Variants in AGL observed in about 807,000 individuals in gnomAD.
The protein encoded by AGL is amylo-alpha-1,6-glucosidase and 4-alpha-glucanotransferase.
AGL carries 128 observed loss-of-function variants against 199.3 expected under a neutral mutation model. That is an observed-to-expected ratio of 0.64 (90% CI 0.56 to 0.74). The LOEUF (loss-of-function observed/expected upper bound fraction) is 0.74. Ranked by LOEUF, AGL falls within the 30% of genes least tolerant of loss-of-function variation. The pLI is 0.00. For missense variants in AGL, 1,809 were observed against 1,820.8 expected (o/e 0.99, Z 0.12); for synonymous variants, 584 against 594.7 (o/e 0.98, Z 0.26).
intron 8 of AGL, among the ~76,000 whole-genome samples, 171 bp from the exon 9 acceptor site, chr1:99,874,983 C>T (rs997907440): frequency 2.0e-5 from 3 of 152,086 alleles, no homozygotes; most frequent in Admixed American, 1.3e-4. Context: ...GTGTGTGGGC[C>T]ATGTTTCTAT....
At position 99,891,152 on chromosome 1, in the gene AGL, G is replaced by A. The variant is rs781495862; in HGVS notation, c.2813-68G>A. On this transcript the variant is annotated intron_variant, in intron 21 of 33. Coordinates refer to ENST00000361915, the MANE Select transcript of AGL (RefSeq NM_000642.3). ...ACTAGAATAGAGACTAGCAGAATAGGGACTAGAGGATATAGGAACAAATTG... is the reference window on the plus strand; with the variant it reads ...ACTAGAATAGAGACTAGCAGAATAGAGACTAGAGGATATAGGAACAAATTG... 3 of 1,593,544 alleles carry A rather than the reference G, an allele frequency of 1.9e-6. No homozygotes were observed. In the East Asian group the frequency reaches 6.7e-5, roughly 36 times the overall value.
intron 5 of AGL, among the ~76,000 whole-genome samples, chr1:99,866,180 A>C (rs1650494039): frequency 6.6e-6 from 1 of 152,210 alleles, no homozygotes; most frequent in Non-Finnish European, 1.5e-5. Context: ...AATATTATTG[A>C]AATCAGATTT....
rs182074502 is a variant in AGL, at chr1:99,900,559, C to T, written c.3363-77C>T. 1.7e-4 allele frequency: 234 copies of T among 1,359,922 alleles called. 1 individual carries two copies. The East Asian group carries it at 4.3e-3, about 25-fold the overall frequency. 84.2% of individuals were successfully genotyped at this position (1,359,922 alleles called of 1,614,324 possible). On this transcript the variant is annotated intron_variant, in intron 25 of 33. Coordinates refer to ENST00000361915, the MANE Select transcript of AGL (RefSeq NM_000642.3). ...AGAAAACGCATTCAAAATATAGTCA[C>T]CAAAAGTGACTGGTTTTTGTCTTCA... is the stretch of plus-strand genomic sequence containing the variant.
intron 24 of AGL, 129 bp downstream of exon 24, chr1:99,892,736 T>C (rs931610893): frequency 2.3e-6 from 2 of 854,600 alleles, no homozygotes; most frequent in African/African-American, 3.4e-5. Context: ...CTTAGTACAT[T>C]TCATAGATAT....
At chr1:99,862,461 A>G (rs779986078) in intron 4 of AGL, 38 bp downstream of exon 4, 8 of 1,601,746 alleles carry the variant, frequency 5.0e-6, no homozygotes, top group African/African-American at 2.7e-5. Context: ...ATTTAAAAAA[A>G]TAAATGTAAT....
Position 99,877,815 on chromosome 1 carries a change from T to C in AGL, c.1598T>C (p.Leu533Pro), listed in dbSNP as rs780321523. The C allele has an allele frequency of 1.2e-6, 2 of 1,613,986 alleles. No individual in the cohort carries two copies. Among genetic ancestry groups the C allele is most frequent in the South Asian group, 2.2e-5 (2 of 91,084 alleles). ...CTTGATAACTGCCACTCAACACCTC[T>C]TCACGTAGCTGAGGTACAGAAAAAC... ...VRLDNCHSTPLHVAEYMLDAA... is the reference protein window; with the variant it reads ...VRLDNCHSTPPHVAEYMLDAA... The change falls in exon 12 of 34, where the codon CTT becomes CCT. Residue 533 changes from leucine to proline, a missense_variant. Leu to Pro is a moderately conservative substitution (Grantham distance 98). Coordinates refer to ENST00000361915, the MANE Select transcript of AGL (RefSeq NM_000642.3).
rs1428796704 is a variant in AGL at position 99,881,166 on chromosome 1, G to A, written c.1990G>A (p.Val664Met). 1 of 1,613,400 alleles carries A rather than the reference G, an allele frequency of 6.2e-7. No homozygotes were observed. The highest frequency in any genetic ancestry group is 2.2e-5 in the East Asian group (1 of 44,860). Residue 664 changes from valine (V) to methionine (M), a missense_variant, in exon 15 of 34, where the codon GTG (valine) becomes ATG (methionine). Transcript: ENST00000361915. ...SGSTRGYDEL[V>M]PHQISVVSEE... ...AAGTACAAGAGGCTATGATGAATTA[G>A]TGCCTCATCAGGTTTGTTTATATGT...
At chr1:99,908,237 A>C (rs1388194614) in intron 27 of AGL, among the ~76,000 whole-genome samples, 2 of 151,108 alleles carry the variant, frequency 1.3e-5, no homozygotes, top group Admixed American at 6.6e-5. Context: ...GTGAATATCC[A>C]GTTTACTCAG....
chr1:99,857,730 C>T (rs1193821371), intron 2 of AGL, among the ~76,000 whole-genome samples: 1 of 149,530 alleles, frequency 6.7e-6, no homozygotes, highest in East Asian at 2.0e-4. Flanking sequence ...GAGAATCAGG[C>T]AGGGAGGTTG....
chr1:99,922,400 C>A lies in AGL; in HGVS notation c.*749C>A, dbSNP rs1293532504. 2 of 151,628 alleles carry A rather than the reference C, an allele frequency of 1.3e-5. No homozygotes were observed. Among genetic ancestry groups the A allele is most frequent in the East Asian group, 1.9e-4 (1 of 5,186 alleles). The allele number at this position is 151,628 out of a possible 1,614,324, so 9.4% of individuals were successfully genotyped here. A position where few individuals can be genotyped will look rare whatever the true frequency, so the allele number is the denominator to read the frequency against. The stretch of plus-strand genomic sequence containing the variant: ...GAAATTGTCGGTCATATTTCTAGAA[C>A]TTTAAAGAAAAAAGAATGTTATATT... On this transcript the variant is annotated 3_prime_UTR_variant, in exon 34 of 34. Transcript: ENST00000361915.
At chr1:99,849,692 C>A (rs976068759), upstream of AGL, among the ~76,000 whole-genome samples, 2 of 152,082 alleles carry the variant, frequency 1.3e-5, no homozygotes, top group African/African-American at 4.8e-5. Flanking sequence ...TAGCCAGGCC[C>A]CTTATTTTAG....
chr1:99,909,519 T>C (rs1017307698), intron 27 of AGL, among the ~76,000 whole-genome samples: 8 of 152,158 alleles, frequency 5.3e-5, no homozygotes, highest in African/African-American at 1.7e-4. Flanking sequence ...TCTGTCTGGG[T>C]AGGGTCCCTC....
At chr1:99,874,846 T>C in intron 8 of AGL, 36 bp downstream of exon 8, 1 of 1,603,512 alleles carries the variant, frequency 6.2e-7, no homozygotes, top group Non-Finnish European at 8.5e-7. Flanking sequence ...AATAATAATA[T>C]TACTTACAAA....
At chr1:99,920,205 T>C (rs72725989) in intron 33 of AGL, among the ~76,000 whole-genome samples, 9,613 of 152,220 alleles carry the variant, frequency 0.063, 413 homozygotes, top group Middle Eastern at 0.11. Flanking sequence ...TAATAGAAAT[T>C]GTTAAACAGC....
chr1:99,889,616 A>G (rs753100493), intron 21 of AGL, among the ~76,000 whole-genome samples: 4 of 152,096 alleles, frequency 2.6e-5, no homozygotes, highest in Admixed American at 6.5e-5. Context: ...TAATTTTTAA[A>G]AGATGTATGT....
At position 99,868,580 on chromosome 1, in the gene AGL, C is replaced by G. The variant is rs140653958; in HGVS notation, c.665-1820C>G. 4.7e-3 allele frequency among the ~76,000 whole-genome samples: 715 copies of G among 152,118 alleles called. 3 individuals carry two copies. The highest frequency in any genetic ancestry group is 0.017 in the African/African-American group (692 of 41,498). On this transcript the variant is annotated intron_variant, in intron 5 of 33. Coordinates refer to ENST00000361915, the MANE Select transcript of AGL (RefSeq NM_000642.3). ...TGAGCCGAGACTGTGCCACTGTACT[C>G]CAGCCTGGGTGACAAAGCAAGACTC...
chr1:99,891,214 T>C lies in AGL; in HGVS notation c.2813-6T>C, dbSNP rs1215662359. ...AATACAGCATGACATGTCTCTGAAT[T>C]TTCAGGTTTAATGTCTGTATTGGCA... is the stretch of plus-strand genomic sequence containing the variant. On this transcript the variant is annotated splice_polypyrimidine_tract_variant and splice_region_variant and intron_variant, in intron 21 of 33. Coordinates refer to ENST00000361915, the MANE Select transcript of AGL (RefSeq NM_000642.3). 6.2e-7 allele frequency: 1 copy of C among 1,613,506 alleles called. No individual in the cohort carries two copies. Among genetic ancestry groups the C allele is most frequent in the Non-Finnish European group, 8.5e-7 (1 of 1,179,584 alleles).
At position 99,902,663 on chromosome 1, in the gene AGL, A is replaced by G; in HGVS notation, c.3589-20A>G. 1 of 1,561,592 alleles carries G rather than the reference A, an allele frequency of 6.4e-7. No homozygotes were observed. The highest frequency in any genetic ancestry group is 1.4e-5 in the African/African-American group (1 of 73,946). On this transcript the variant is annotated intron_variant, in intron 26 of 33. Coordinates refer to ENST00000361915, the MANE Select transcript of AGL (RefSeq NM_000642.3). ...AAATGTAATTTCTAACAGAGGTAAC[A>G]CCCATTATGTCTCAAACAGGATCAG...
chr1:99,891,238 C>T lies in AGL; in HGVS notation c.2831C>T (p.Ala944Val). 1 of 1,613,524 alleles carries T rather than the reference C, an allele frequency of 6.2e-7. No individual in the cohort carries two copies. Among genetic ancestry groups the T allele is most frequent in the Non-Finnish European group, 8.5e-7 (1 of 1,179,648 alleles). ...AGLQGLMSVL[A>V]EIRPKNDLGH... is the part of the protein sequence containing the mutation. ...TTTTCAGGTTTAATGTCTGTATTGG[C>T]AGAAATAAGACCAAAGAATGACTTG... is the stretch of plus-strand genomic sequence containing the variant. The change falls in exon 22 of 34, where the codon GCA (alanine) becomes GTA (valine). Residue 944 changes from alanine (A) to valine (V), a missense_variant. Coordinates refer to ENST00000361915, the MANE Select transcript of AGL (RefSeq NM_000642.3).
Sources: allele counts gnomAD v4.1 joint callset (sites outside exome capture counted in the v4.1 genomes callset), GRCh38; gene constraint gnomAD v4.1.1; transcripts MANE v1.5; gene names NCBI Gene and HGNC (gene_info 2026-07-23, HGNC 2026-07-21).